The following INSR variants were observed in gnomAD, a reference collection of about 807,000 sequenced individuals.
INSR encodes insulin receptor.
In INSR, 67 loss-of-function variants were observed where a neutral mutation model predicts 142.6. The ratio of observed to expected loss-of-function variants is 0.47; its 90% confidence interval spans 0.39 to 0.58. The LOEUF is 0.58. Ranked by LOEUF, INSR falls within the 20% of genes least tolerant of loss-of-function variation. The pLI is 0.00. For synonymous variants in INSR, 756 were observed against 743.1 expected (o/e 1.02, Z -0.28); for missense variants, 1,248 against 1,833.2 (o/e 0.68, Z 5.83).
intron 2 of INSR, among the ~76,000 whole-genome samples, chr19:7,218,264 C>T (rs1318601748): frequency 2.6e-5 from 4 of 151,842 alleles, no homozygotes; most frequent in Non-Finnish European, 5.9e-5. Context: ...GCCAGGGATG[C>T]TAGTAAACAC....
intron 1 of INSR, among the ~76,000 whole-genome samples, chr19:7,282,061 T>C (rs1968215866): frequency 6.6e-6 from 1 of 152,082 alleles, no homozygotes; most frequent in East Asian, 1.9e-4. Context: ...AAACAAAATA[T>C]GTTTCTAAAA....
Position 7,249,369 on chromosome 19 carries a change from A to C in INSR, c.652+17976T>G, listed in dbSNP as rs533312015. ...TCATACCTTTCTCGCTTATAAAAATAATTTTCTTAGCAAAACTTGCCTTCG... is the reference window on the plus strand; with the variant it reads ...TCATACCTTTCTCGCTTATAAAAATCATTTTCTTAGCAAAACTTGCCTTCG... On this transcript the variant is annotated intron_variant, in intron 2 of 21. Coordinates refer to ENST00000302850, the MANE Select transcript of INSR (RefSeq NM_000208.4). Among the ~76,000 whole-genome samples, 3 of 152,238 alleles carry C rather than the reference A, an allele frequency of 2.0e-5. No individual in the cohort carries two copies. The South Asian group carries it at 6.2e-4, about 32-fold the overall frequency.
At chr19:7,229,825 GCA>G (rs1441781565) in intron 2 of INSR, among the ~76,000 whole-genome samples, 10 of 147,756 alleles carry the variant, frequency 6.8e-5, no homozygotes, top group Admixed American at 5.5e-4. Flanking sequence ...GAGTGCAGTG[GCA>G]CAGTCATGGC....
chr19:7,235,975 T>C (rs1179157139), intron 2 of INSR, among the ~76,000 whole-genome samples: 1 of 149,880 alleles, frequency 6.7e-6, no homozygotes, highest in Non-Finnish European at 1.5e-5. Flanking sequence ...CCTTTCCTTT[T>C]TTTTTTTTTT....
intron 2 of INSR, among the ~76,000 whole-genome samples, chr19:7,203,573 G>A (rs758936820): frequency 1.1e-4 from 16 of 152,122 alleles, no homozygotes; most frequent in Admixed American, 2.0e-4. Context: ...ATGACTGATG[G>A]CTTTTCAATA....
At chr19:7,135,976 A>AAAAAAAAAAGG (rs60435269) in intron 13 of INSR, among the ~76,000 whole-genome samples, 1 of 146,524 alleles carries the variant, frequency 6.8e-6, no homozygotes, top group African/African-American at 2.6e-5. Flanking sequence ...TCAAAAAAAA[A>AAAAAAAAAAGG]AAAGAAAGAA....
chr19:7,153,738 G>A (rs1024303201), intron 9 of INSR, among the ~76,000 whole-genome samples: 2 of 151,764 alleles, frequency 1.3e-5, no homozygotes, highest in Non-Finnish European at 2.9e-5. Flanking sequence ...AAATATAGCC[G>A]AGCACAGTGG....
chr19:7,148,477 C>CTTTTTTTTTTTTTTTT lies in INSR; in HGVS notation c.2267+2004_2267+2019dup, dbSNP rs71177160. ...TTATTATTAGTATTATGTATTTATT[C>CTTTTTTTTTTTTTTTT]TTTTTTTTTTTTTTTTTTGAGACAG... On this transcript the variant is annotated intron_variant, in intron 11 of 21. Transcript: ENST00000302850. 7.4e-5 allele frequency among the ~76,000 whole-genome samples: 7 copies of CTTTTTTTTTTTTTTTT among 95,044 alleles called. 1 individual carries two copies. Among genetic ancestry groups the CTTTTTTTTTTTTTTTT allele is most frequent in the African/African-American group, 2.3e-4 (5 of 22,100 alleles). The allele number at this position is 95,044 out of a possible 152,430, so 62.4% of individuals were successfully genotyped here.
chr19:7,183,203 A>C (rs1974319923), intron 3 of INSR, among the ~76,000 whole-genome samples: 1 of 151,836 alleles, frequency 6.6e-6, no homozygotes. Flanking sequence ...TTACGTAAGC[A>C]GGTCAGCTCA....
chr19:7,292,085 G>GC (rs11424106), intron 1 of INSR, among the ~76,000 whole-genome samples: 141,121 of 150,792 alleles, frequency 0.94, 66,307 homozygotes, highest in Non-Finnish European at 0.98. Context: ...GAGCCACCAC[G>GC]CCCCGCCTTT....
intron 2 of INSR, among the ~76,000 whole-genome samples, chr19:7,211,179 A>G (rs4804395): frequency 0.81 from 122,727 of 152,036 alleles, 50,125 homozygotes; most frequent in African/African-American, 0.94. Flanking sequence ...CGATTCTCCC[A>G]CCTCAGCCTC....
At chr19:7,123,575 C>T (rs1222354199) in intron 17 of INSR, among the ~76,000 whole-genome samples, 3 of 152,134 alleles carry the variant, frequency 2.0e-5, no homozygotes, top group Non-Finnish European at 2.9e-5. Flanking sequence ...CCTGTCCAAC[C>T]CTCCTTTCCT....
chr19:7,153,365 C>CACAA (rs1568450051), intron 9 of INSR, among the ~76,000 whole-genome samples: 5 of 16,558 alleles, frequency 3.0e-4, no homozygotes, highest in Non-Finnish European at 8.3e-4. Context: ...ACACCACACA[C>CACAA]CCCACACACA....
At chr19:7,128,624 A>C (rs1972701399) in intron 15 of INSR, among the ~76,000 whole-genome samples, 1 of 140,434 alleles carries the variant, frequency 7.1e-6, no homozygotes, top group Non-Finnish European at 1.5e-5. Context: ...AGGTTTGGGC[A>C]AAAAAAAAAA....
chr19:7,218,014 G>A (rs902108321), intron 2 of INSR, among the ~76,000 whole-genome samples: 10 of 152,228 alleles, frequency 6.6e-5, no homozygotes, highest in Non-Finnish European at 1.5e-4. Flanking sequence ...CCCCAGAGCT[G>A]TCTCCACTGT....
chr19:7,218,966 G>A lies in INSR; in HGVS notation c.653-34329C>T, dbSNP rs544641611. On this transcript the variant is annotated intron_variant, in intron 2 of 21. Transcript: ENST00000302850. ...TACAGGTGGCAGGAAGGCAGCCAGT[G>A]AGCTCCAGCCAAGGGTCCCATGTCA... Among the ~76,000 whole-genome samples the A allele has an allele frequency of 8.5e-5, 13 of 152,324 alleles. No individual in the cohort carries two copies. In the South Asian group the frequency reaches 1.7e-3, roughly 19 times the overall value.
intron 2 of INSR, among the ~76,000 whole-genome samples, chr19:7,214,753 A>G (rs1288604772): frequency 1.3e-5 from 2 of 152,088 alleles, no homozygotes; most frequent in South Asian, 2.1e-4. Flanking sequence ...AGAGATGTTC[A>G]GTAGTTCCAA....
At position 7,119,889 on chromosome 19, in the gene INSR, C is replaced by T. The variant is rs1252709109; in HGVS notation, c.3660-306G>A. On this transcript the variant is annotated intron_variant, in intron 20 of 21. Coordinates refer to ENST00000302850, the MANE Select transcript of INSR (RefSeq NM_000208.4). The surrounding 1 kb of genome is among the most constrained non-coding windows in gnomAD (Gnocchi z 5.2). ...GCAAACACACACAAACACACATATG[C>T]ACACACATACACACACAAACACACA... Among the ~76,000 whole-genome samples, 1 of 151,764 alleles carries T rather than the reference C, an allele frequency of 6.6e-6. No individual in the cohort carries two copies. The highest frequency in any genetic ancestry group is 2.4e-5 in the African/African-American group (1 of 41,280).
intron 19 of INSR, among the ~76,000 whole-genome samples, chr19:7,122,264 G>A (rs1344095824): frequency 6.6e-6 from 1 of 151,938 alleles, no homozygotes; most frequent in Non-Finnish European, 1.5e-5. Flanking sequence ...CAACATGGAT[G>A]AAACCCCATC....
Sources: allele counts gnomAD v4.1 joint callset (sites outside exome capture counted in the v4.1 genomes callset), GRCh38; gene constraint gnomAD v4.1.1; non-coding constraint Gnocchi (gnomAD v3.1); transcripts MANE v1.5; gene names NCBI Gene and HGNC (gene_info 2026-07-23, HGNC 2026-07-21).